The following MARCHF3 variants were observed in gnomAD, a reference collection of about 807,000 sequenced individuals.
The protein encoded by MARCHF3 is E3 ubiquitin-protein ligase MARCHF3.
A neutral mutation model predicts 24.2 loss-of-function variants in MARCHF3; 13 were observed. The ratio of observed to expected loss-of-function variants is 0.54; its 90% CI spans 0.35 to 0.85. MARCHF3 has a LOEUF of 0.85. MARCHF3 is among the 40% of genes least tolerant of loss of function. The pLI, the probability that MARCHF3 is intolerant of heterozygous loss-of-function variation, is 0.01. For synonymous variants in MARCHF3, 144 were observed against 137.3 expected (o/e 1.05, Z -0.34); for missense variants, 276 against 325.0 (o/e 0.85, Z 1.16).
Position 126,902,320 on chromosome 5 carries a change from T to G in MARCHF3, c.393+12610A>C, listed in dbSNP as rs115129838. On this transcript the variant is annotated intron_variant, in intron 3 of 4. Transcript: ENST00000308660. ...CTTCTGTATTTTTAAAAACATAGAT[T>G]AAAATGAACATGTTATATGAAGCAA... 1.3e-3 allele frequency among the ~76,000 whole-genome samples: 194 copies of G among 152,190 alleles called. 2 individuals are homozygous for G. The highest frequency in any genetic ancestry group is 4.5e-3 in the African/African-American group (187 of 41,506).
At chr5:126,923,949 T>TC (rs1210438459) in intron 1 of MARCHF3, among the ~76,000 whole-genome samples, 8 of 152,186 alleles carry the variant, frequency 5.3e-5, no homozygotes, top group African/African-American at 1.9e-4. Context: ...ATTCACTATT[T>TC]TTTTTTTTGA....
At position 126,904,250 on chromosome 5, in the gene MARCHF3, T is replaced by A. The variant is rs548655604; in HGVS notation, c.393+10680A>T. On this transcript the variant is annotated intron_variant, in intron 3 of 4. Coordinates refer to ENST00000308660, the MANE Select transcript of MARCHF3 (RefSeq NM_178450.5). ...TGGGTTGGTTCCAAGTCTTTGCTAT[T>A]GTGAATAATGCCGCAATAAACATAC... is the stretch of plus-strand genomic sequence containing the variant. Among the ~76,000 whole-genome samples the A allele has an allele frequency of 1.1e-3, 165 of 149,918 alleles. 2 individuals are homozygous for A. The highest frequency in any genetic ancestry group is 3.9e-3 in the African/African-American group (155 of 40,230).
intron 1 of MARCHF3, among the ~76,000 whole-genome samples, chr5:126,965,109 C>A (rs1750763207): frequency 6.6e-6 from 1 of 151,398 alleles, no homozygotes; most frequent in African/African-American, 2.4e-5. Context: ...TCTCTTAAGG[C>A]TTCCATTTCT....
At chr5:126,958,061 A>C (rs1750505910) in intron 1 of MARCHF3, among the ~76,000 whole-genome samples, 1 of 152,098 alleles carries the variant, frequency 6.6e-6, no homozygotes, top group African/African-American at 2.4e-5. Flanking sequence ...AAAGCTATTG[A>C]TTTTAGTTTT....
intron 1 of MARCHF3, among the ~76,000 whole-genome samples, chr5:127,013,667 A>G (rs1339808355): frequency 6.6e-6 from 1 of 152,184 alleles, no homozygotes; most frequent in Non-Finnish European, 1.5e-5. Flanking sequence ...CATAAACACA[A>G]TCTGGATGAA....
At chr5:126,992,646 T>C (rs963107551) in intron 1 of MARCHF3, among the ~76,000 whole-genome samples, 2 of 152,098 alleles carry the variant, frequency 1.3e-5, no homozygotes, top group East Asian at 3.9e-4. Flanking sequence ...TGGAGGTTAC[T>C]GGCTTGAGTT....
At chr5:126,951,963 C>T (rs1450512440) in intron 1 of MARCHF3, among the ~76,000 whole-genome samples, 2 of 152,162 alleles carry the variant, frequency 1.3e-5, no homozygotes, top group African/African-American at 4.8e-5. Context: ...TAATCTGCCT[C>T]AGCCTCCCAA....
chr5:127,022,026 CTTG>C (rs1387511918), intron 1 of MARCHF3, among the ~76,000 whole-genome samples: 3 of 152,124 alleles, frequency 2.0e-5, no homozygotes, highest in African/African-American at 7.2e-5. Flanking sequence ...AAAACCTCAT[CTTG>C]TTGTAATAAA....
At chr5:126,879,227 C>G (rs1433910386) in intron 3 of MARCHF3, among the ~76,000 whole-genome samples, 6 of 152,182 alleles carry the variant, frequency 3.9e-5, no homozygotes, top group Admixed American at 3.9e-4. Context: ...CTGGACTTCA[C>G]CCCATGCACC....
intron 1 of MARCHF3, among the ~76,000 whole-genome samples, chr5:126,930,082 T>C (rs1053503996): frequency 3.9e-5 from 6 of 152,126 alleles, no homozygotes; most frequent in Admixed American, 2.0e-4. Context: ...AAGATCCACC[T>C]GTCTTTATTG....
At chr5:126,917,749 C>A (rs2048284899) in intron 2 of MARCHF3, among the ~76,000 whole-genome samples, 1 of 152,078 alleles carries the variant, frequency 6.6e-6, no homozygotes, top group Non-Finnish European at 1.5e-5. Flanking sequence ...CCCCTCCTGG[C>A]TCTTTGTAAA....
chr5:126,976,903 C>A (rs372171631), intron 1 of MARCHF3, among the ~76,000 whole-genome samples: 2 of 152,192 alleles, frequency 1.3e-5, no homozygotes, highest in Non-Finnish European at 2.9e-5. Flanking sequence ...ATCCACCGAT[C>A]CTGGGTTTGC....
intron 1 of MARCHF3, among the ~76,000 whole-genome samples, chr5:126,977,392 TTC>T (rs1482411702): frequency 6.6e-6 from 1 of 152,218 alleles, no homozygotes; most frequent in Non-Finnish European, 1.5e-5. Context: ...CCATTTTATA[TTC>T]TTACCTTTCA....
At chr5:126,875,519 A>G (rs1313444822) in intron 4 of MARCHF3, among the ~76,000 whole-genome samples, 1 of 152,272 alleles carries the variant, frequency 6.6e-6, no homozygotes, top group African/African-American at 2.4e-5. Flanking sequence ...GCTTGTTTAC[A>G]ATGGGTTTCT....
chr5:126,961,780 C>T (rs1750644935), intron 1 of MARCHF3, among the ~76,000 whole-genome samples: 1 of 152,128 alleles, frequency 6.6e-6, no homozygotes, highest in East Asian at 1.9e-4. Context: ...ATTTTCATTT[C>T]TGAATGCAAT....
intron 1 of MARCHF3, among the ~76,000 whole-genome samples, chr5:126,973,627 TA>T (rs1405368536): frequency 5.3e-5 from 8 of 152,308 alleles, no homozygotes; most frequent in African/African-American, 1.9e-4. Flanking sequence ...TCCTTTTGAC[TA>T]AAATGCATTG....
intron 1 of MARCHF3, among the ~76,000 whole-genome samples, chr5:126,921,356 A>G (rs1749101599): frequency 6.7e-6 from 1 of 150,266 alleles, no homozygotes; most frequent in South Asian, 2.2e-4. Flanking sequence ...GAAAGGAAGC[A>G]CACTCTGCCC....
chr5:127,002,451 G>A (rs768941245), intron 1 of MARCHF3, among the ~76,000 whole-genome samples: 1 of 152,148 alleles, frequency 6.6e-6, no homozygotes, highest in Non-Finnish European at 1.5e-5. Flanking sequence ...GATGTCTGTT[G>A]TATTTGGATG....
chr5:126,959,111 T>G (rs186423287), intron 1 of MARCHF3, among the ~76,000 whole-genome samples: 48 of 152,234 alleles, frequency 3.2e-4, no homozygotes, highest in African/African-American at 9.1e-4. Context: ...ATAGGCCATC[T>G]CTTCCAAAGG....
Sources: allele counts gnomAD v4.1 joint callset (sites outside exome capture counted in the v4.1 genomes callset), GRCh38; gene constraint gnomAD v4.1.1; transcripts MANE v1.5; gene names NCBI Gene and HGNC (gene_info 2026-07-23, HGNC 2026-07-21).